Variants in FAAH2 observed in about 807,000 individuals in gnomAD.
FAAH2 encodes the protein fatty acid amide hydrolase 2.
In FAAH2, 60 loss-of-function variants were observed where a neutral mutation model predicts 36.9. The ratio of observed to expected loss-of-function variants is 1.63; its 90% CI spans 1.32 to 2.02. The LOEUF (loss-of-function observed/expected upper bound fraction) is 2.02, where lower values mean the gene tolerates loss of function less well. FAAH2 is among the 30% of genes most tolerant of loss of function. The pLI, the probability that FAAH2 is intolerant of heterozygous loss-of-function variation, is 0.00. For synonymous variants in FAAH2, 214 were observed against 143.8 expected, an observed-to-expected ratio of 1.49 and a Z score of -3.49; for missense variants, 689 against 397.5, an observed-to-expected ratio of 1.73 and a Z score of -6.23.
rs958579959 is a variant in FAAH2 at position 57,341,337 on chromosome X, G to C, written c.689G>C (p.Ser230Thr). The change falls in exon 5 of 11, where the codon AGC becomes ACC. Residue 230 changes from serine to threonine, a missense_variant. Coordinates refer to ENST00000374900, the MANE Select transcript of FAAH2 (RefSeq NM_174912.4). ...GGTGTGGGCTCTGATATTGGTGGTA[G>C]CATTCGAATGCCTGCTTTCTTCAAT... The part of the protein sequence containing the change: ...VIGVGSDIGG[S>T]IRMPAFFNGI... The C allele has an allele frequency of 4.1e-6, 5 of 1,210,190 alleles. No individual in the cohort carries two copies. Among genetic ancestry groups the C allele is most frequent in the East Asian group, 5.9e-5 (2 of 33,760 alleles).
the FAAH2 span, among the ~76,000 whole-genome samples, chrX:57,280,545 A>T: frequency 9.1e-6 from 1 of 110,107 alleles, no homozygotes; most frequent in Non-Finnish European, 1.9e-5. Flanking sequence ...TAAAAAAAAA[A>T]TGGTGACTGT....
At chrX:57,122,059 T>C in the FAAH2 span, 1 of 111,855 alleles carries the variant, frequency 8.9e-6, no homozygotes, top group Non-Finnish European at 1.9e-5. Context: ...GATTTTTTTT[T>C]CCTTTTCTTT....
At chrX:57,461,193 C>G (rs776316424) in intron 10 of FAAH2, among the ~76,000 whole-genome samples, 1 of 109,930 alleles carries the variant, frequency 9.1e-6, no homozygotes, top group South Asian at 3.9e-4. Context: ...TAGACTCCCA[C>G]ACAATAATAG....
intron 3 of FAAH2, among the ~76,000 whole-genome samples, chrX:57,324,807 C>G (rs1319057754): frequency 8.9e-6 from 1 of 112,135 alleles, no homozygotes; most frequent in Admixed American, 9.5e-5. Context: ...TTGACTTCCT[C>G]TTTTCCTAAT....
At chrX:57,156,403 G>C in the FAAH2 span, among the ~76,000 whole-genome samples, 5 of 111,881 alleles carry the variant, frequency 4.5e-5, no homozygotes, top group South Asian at 1.9e-3. Flanking sequence ...AGTTCATTTA[G>C]TGATATCATG....
chrX:57,160,478 T>C, the FAAH2 span, among the ~76,000 whole-genome samples: 2 of 111,718 alleles, frequency 1.8e-5, no homozygotes, highest in African/African-American at 6.5e-5. Context: ...CCTGGACATT[T>C]TTTGGTTTGT....
At chrX:57,329,505 A>T (rs1270242312) in intron 3 of FAAH2, among the ~76,000 whole-genome samples, 4 of 109,783 alleles carry the variant, frequency 3.6e-5, no homozygotes, top group Non-Finnish European at 7.6e-5. Context: ...TCTGCTTGCC[A>T]ATGATCTGAC....
intron 10 of FAAH2, among the ~76,000 whole-genome samples, chrX:57,476,003 T>C (rs778367903): frequency 9.0e-6 from 1 of 111,428 alleles, no homozygotes; most frequent in East Asian, 2.8e-4. Context: ...TTGTCTATTG[T>C]TTGTGTATAG....
At chrX:57,246,020 G>A in the FAAH2 span, among the ~76,000 whole-genome samples, 2 of 110,834 alleles carry the variant, frequency 1.8e-5, no homozygotes, top group Non-Finnish European at 3.8e-5. Context: ...TCAAATAGGT[G>A]CAATAAAAAA....
At chrX:57,123,405 T>A in the FAAH2 span, among the ~76,000 whole-genome samples, 1 of 112,345 alleles carries the variant, frequency 8.9e-6, no homozygotes, top group African/African-American at 3.2e-5. Context: ...TCTATCATTG[T>A]TGGACATTTG....
intron 3 of FAAH2, among the ~76,000 whole-genome samples, chrX:57,327,824 C>A (rs766805928): frequency 1.8e-5 from 2 of 111,647 alleles, no homozygotes; most frequent in Non-Finnish European, 3.8e-5. Context: ...TAATCTGAAG[C>A]CTTCTTCTCT....
chrX:57,423,111 A>T (rs1384864226), intron 7 of FAAH2, among the ~76,000 whole-genome samples: 1 of 111,919 alleles, frequency 8.9e-6, no homozygotes, highest in Admixed American at 9.4e-5. Flanking sequence ...TGAGGAGGCT[A>T]TGAGGAGTGG....
chrX:57,303,285 G>C (rs113028195), intron 2 of FAAH2, among the ~76,000 whole-genome samples: 3,021 of 111,471 alleles, frequency 0.027, 89 homozygotes, highest in African/African-American at 0.094. Flanking sequence ...TGAAGAAATA[G>C]CTGCTGCAGT....
the FAAH2 span, among the ~76,000 whole-genome samples, chrX:57,223,668 G>A: frequency 4.7e-4 from 53 of 111,684 alleles, no homozygotes; most frequent in African/African-American, 1.7e-3. Context: ...TCACATGCTG[G>A]CCAATAAACG....
chrX:57,211,128 A>T, the FAAH2 span, among the ~76,000 whole-genome samples: 1 of 111,976 alleles, frequency 8.9e-6, no homozygotes, highest in East Asian at 2.8e-4. Context: ...TACCATGCTG[A>T]TAGATTGGAA....
At chrX:57,459,570 T>A (rs67402340) in intron 10 of FAAH2, among the ~76,000 whole-genome samples, 37,082 of 111,050 alleles carry the variant, frequency 0.33, 4,885 homozygotes, top group Middle Eastern at 0.62. Context: ...CTCAACAGGG[T>A]TTGACAGACA....
At chrX:57,122,549 T>A in the FAAH2 span, among the ~76,000 whole-genome samples, 1 of 112,340 alleles carries the variant, frequency 8.9e-6, no homozygotes, top group Non-Finnish European at 1.9e-5. Flanking sequence ...TGGGTATTCT[T>A]TAAGGAATGT....
At chrX:57,222,291 C>A in the FAAH2 span, among the ~76,000 whole-genome samples, 6 of 111,865 alleles carry the variant, frequency 5.4e-5, no homozygotes, top group Admixed American at 5.7e-4. Context: ...CTCTGCACAG[C>A]CTATTACCCA....
chrX:57,376,743 A>G (rs180863473), intron 5 of FAAH2, among the ~76,000 whole-genome samples: 131 of 111,965 alleles, frequency 1.2e-3, no homozygotes, highest in African/African-American at 3.0e-3. Flanking sequence ...GTCTTCTGCA[A>G]TGGTTGAACT....
Sources: gnomAD v4.1 joint callset for allele counts (sites outside exome capture counted in the v4.1 genomes callset) on GRCh38, gnomAD v4.1.1 for gene constraint, MANE v1.5 for transcripts, NCBI Gene and HGNC (gene_info 2026-07-23, HGNC 2026-07-21) for gene names.